Variants in SLC2A9 observed in about 807,000 individuals in gnomAD.
SLC2A9 encodes the protein solute carrier family 2, facilitated glucose transporter member 9.
Under a neutral mutation model 50.6 loss-of-function variants are expected in SLC2A9, and 39 were observed. The ratio of observed to expected loss-of-function variants is 0.77; its 90% CI spans 0.60 to 1.01. The LOEUF is 1.01. Ranked by LOEUF, SLC2A9 falls within the 50% of genes least tolerant of loss-of-function variation. The pLI is 0.00. For missense variants in SLC2A9, 686 were observed against 677.6 expected (o/e 1.01, Z -0.14); for synonymous variants, 324 against 276.9 (o/e 1.17, Z -1.69).
At chr4:10,008,902 T>TG (rs1348705341) in intron 2 of SLC2A9, among the ~76,000 whole-genome samples, 35 of 148,208 alleles carry the variant, frequency 2.4e-4, no homozygotes, top group African/African-American at 8.3e-4. Flanking sequence ...GTGCGGTGGT[T>TG]TTTTTTTTTT....
At chr4:9,990,699 T>C (rs1757550090) in intron 3 of SLC2A9, among the ~76,000 whole-genome samples, 1 of 152,168 alleles carries the variant, frequency 6.6e-6, no homozygotes, top group Non-Finnish European at 1.5e-5. Flanking sequence ...GCCTCTTGTT[T>C]TGGATGTGTT....
chr4:10,018,805 T>C (rs934513765), intron 2 of SLC2A9, among the ~76,000 whole-genome samples, 170 bp downstream of exon 2: 34 of 151,902 alleles, frequency 2.2e-4, no homozygotes, highest in Admixed American at 2.6e-4. Context: ...CGTGTCATCA[T>C]TGTCTGTCTC....
rs57223650 is a variant in SLC2A9 at position 9,799,692 on chromosome 4, A to ACCCCCCCCCCC, written n.421-452_421-451insGGGGGGGGGGG. ...GCTTTCTGAGCTCCATTCCAATTGT[A>ACCCCCCCCCCC]CCCCCCCCCCACCCAACTTCTACAC... On this transcript the variant is annotated intron_variant and non_coding_transcript_variant, in intron 3 of 3. Coordinates refer to the SLC2A9 transcript ENST00000503280. Among the ~76,000 whole-genome samples the ACCCCCCCCCCC allele has an allele frequency of 4.4e-3, 304 of 69,832 alleles. 3 individuals carry two copies. Among genetic ancestry groups the ACCCCCCCCCCC allele is most frequent in the East Asian group, 8.2e-3 (17 of 2,064 alleles). The allele number at this position is 69,832 out of a possible 152,430, so 45.8% of individuals were successfully genotyped here.
chr4:9,983,744 A>C (rs1448117994), intron 4 of SLC2A9, among the ~76,000 whole-genome samples: 1 of 152,224 alleles, frequency 6.6e-6, no homozygotes, highest in African/African-American at 2.4e-5. Flanking sequence ...TTGTTTTTTA[A>C]GAGACAGGGT....
chr4:9,976,485 C>G (rs1246923950), intron 5 of SLC2A9, among the ~76,000 whole-genome samples: 1 of 152,160 alleles, frequency 6.6e-6, no homozygotes, highest in Non-Finnish European at 1.5e-5. Flanking sequence ...ACTGCAAATC[C>G]CCAGAGACAT....
chr4:9,823,402 C>T (rs3762933), downstream of SLC2A9, among the ~76,000 whole-genome samples: 70,127 of 152,022 alleles, frequency 0.46, 19,250 homozygotes, highest in Non-Finnish European at 0.62. Flanking sequence ...CTCGCCACTC[C>T]CCATTATATT....
chr4:9,907,550 T>C (rs1740912441), intron 8 of SLC2A9, among the ~76,000 whole-genome samples: 1 of 152,238 alleles, frequency 6.6e-6, no homozygotes, highest in Non-Finnish European at 1.5e-5. Flanking sequence ...CTCCTTTGCC[T>C]TGCAAACTCC....
intron 10 of SLC2A9, among the ~76,000 whole-genome samples, chr4:9,856,802 C>T (rs765117061): frequency 7.9e-5 from 12 of 152,106 alleles, no homozygotes; most frequent in African/African-American, 2.7e-4. Flanking sequence ...AAAAAGATCA[C>T]GTCTTTTGCA....
At chr4:9,960,840 G>C (rs1448619893) in intron 5 of SLC2A9, among the ~76,000 whole-genome samples, 1 of 152,118 alleles carries the variant, frequency 6.6e-6, no homozygotes, top group Non-Finnish European at 1.5e-5. Flanking sequence ...GGCACTAGAG[G>C]ATAGAATGGG....
At chr4:9,973,176 C>A (rs1754195866) in intron 5 of SLC2A9, among the ~76,000 whole-genome samples, 1 of 152,102 alleles carries the variant, frequency 6.6e-6, no homozygotes, top group Non-Finnish European at 1.5e-5. Flanking sequence ...CTTCTAGGCA[C>A]ACAAACTAGA....
At chr4:10,017,549 A>G (rs981017941) in intron 2 of SLC2A9, among the ~76,000 whole-genome samples, 8 of 152,248 alleles carry the variant, frequency 5.3e-5, no homozygotes, top group African/African-American at 1.9e-4. Flanking sequence ...TTAAACATAG[A>G]ACTGACCTGC....
chr4:9,823,517 A>G (rs1448021511), downstream of SLC2A9, among the ~76,000 whole-genome samples: 1 of 152,214 alleles, frequency 6.6e-6, no homozygotes, highest in African/African-American at 2.4e-5. Context: ...TAGATTATCA[A>G]CTTAGGTAAC....
downstream of SLC2A9, among the ~76,000 whole-genome samples, chr4:9,821,875 T>C (rs1407718960): frequency 6.6e-6 from 1 of 152,228 alleles, no homozygotes; most frequent in Non-Finnish European, 1.5e-5. Flanking sequence ...ATTTCCTTTG[T>C]TGGAAAGTTT....
At chr4:9,977,986 T>A (rs899369455) in intron 5 of SLC2A9, among the ~76,000 whole-genome samples, 3 of 152,212 alleles carry the variant, frequency 2.0e-5, no homozygotes, top group African/African-American at 7.2e-5. Context: ...TGCCATCGAC[T>A]GGCGGGACAA....
At chr4:9,842,578 A>G (rs1728249776) in intron 10 of SLC2A9, among the ~76,000 whole-genome samples, 1 of 152,182 alleles carries the variant, frequency 6.6e-6, no homozygotes, top group African/African-American at 2.4e-5. Flanking sequence ...AAGAGATAGG[A>G]CATGAAGTTG....
At chr4:9,912,813 ATATGT>A (rs1742091895) in intron 7 of SLC2A9, among the ~76,000 whole-genome samples, 2 of 152,242 alleles carry the variant, frequency 1.3e-5, no homozygotes, top group African/African-American at 4.8e-5. Flanking sequence ...GACTTTGCAG[ATATGT>A]TAAGTTCAGA....
chr4:9,998,245 C>A (rs1164971404), intron 2 of SLC2A9, among the ~76,000 whole-genome samples: 1 of 152,200 alleles, frequency 6.6e-6, no homozygotes, highest in African/African-American at 2.4e-5. Flanking sequence ...TGCTACCCAA[C>A]GTGAGCCCGC....
At chr4:9,795,136 G>C (rs1449214113), downstream of SLC2A9, among the ~76,000 whole-genome samples, 2 of 148,458 alleles carry the variant, frequency 1.3e-5, no homozygotes, top group East Asian at 2.0e-4. Context: ...CTCAGCCTCC[G>C]AGTAGCTGGG....
At chr4:9,854,641 C>A (rs1730460970) in intron 10 of SLC2A9, among the ~76,000 whole-genome samples, 1 of 152,158 alleles carries the variant, frequency 6.6e-6, no homozygotes, top group African/African-American at 2.4e-5. Flanking sequence ...CAAAACCTGG[C>A]AGAGACACAT....
Sources: allele counts gnomAD v4.1 joint callset (sites outside exome capture counted in the v4.1 genomes callset), GRCh38; gene constraint gnomAD v4.1.1; transcripts MANE v1.5; gene names NCBI Gene and HGNC (gene_info 2026-07-23, HGNC 2026-07-21).